STK31: variants seen among roughly 807,000 people sequenced by gnomAD.
The protein encoded by STK31 is serine/threonine kinase 31, also known as serine/threonine-protein kinase 31.
Under a neutral mutation model 129.7 loss-of-function variants are expected in STK31, and 89 were observed. The ratio of observed to expected loss-of-function variants is 0.69; its 90% confidence interval spans 0.58 to 0.82. STK31 has a LOEUF of 0.82. STK31 is among the 40% of genes least tolerant of loss of function. The probability of loss-of-function intolerance (pLI) is 0.00; values close to 1 mark genes in which losing one functional copy is unlikely to be tolerated. For synonymous variants in STK31, 448 were observed against 395.3 expected (o/e 1.13, Z -1.58); for missense variants, 1,187 against 1,176.4 (o/e 1.01, Z -0.13).
chr7:23,823,765 A>G (rs1793934063), intron 23 of STK31, among the ~76,000 whole-genome samples: 1 of 152,154 alleles, frequency 6.6e-6, no homozygotes, highest in African/African-American at 2.4e-5. Flanking sequence ...ATCTTGAATT[A>G]ATTTTTGTAT....
At chr7:23,803,080 T>A (rs1287039637) in intron 22 of STK31, among the ~76,000 whole-genome samples, 1 of 152,220 alleles carries the variant, frequency 6.6e-6, no homozygotes, top group Non-Finnish European at 1.5e-5. Context: ...TTGTGTTTTT[T>A]AAAAATTTTT....
At chr7:23,824,300 G>A (rs376203539) in intron 23 of STK31, among the ~76,000 whole-genome samples, 86 of 152,118 alleles carry the variant, frequency 5.7e-4, no homozygotes, top group Non-Finnish European at 1.1e-3. Context: ...GTTCTCCTTG[G>A]AGAGGTCCTT....
At chr7:23,791,844 A>G (rs1791640024) in intron 22 of STK31, among the ~76,000 whole-genome samples, 1 of 152,214 alleles carries the variant, frequency 6.6e-6, no homozygotes, top group South Asian at 2.1e-4. Flanking sequence ...CATTTTCTGT[A>G]AAGGACCAGA....
At chr7:23,769,930 C>T (rs2128103200) in intron 13 of STK31, among the ~76,000 whole-genome samples, 174 bp downstream of exon 13, 1 of 152,226 alleles carries the variant, frequency 6.6e-6, no homozygotes, top group African/African-American at 2.4e-5. Flanking sequence ...AGTTCTAATC[C>T]AGACACCATG....
intron 8 of STK31, among the ~76,000 whole-genome samples, chr7:23,750,936 G>A (rs1293312797): frequency 6.6e-6 from 1 of 152,102 alleles, no homozygotes; most frequent in Non-Finnish European, 1.5e-5. Flanking sequence ...ATCATTAACT[G>A]TAGTCATCTG....
At chr7:23,739,877 C>A (rs1366929880) in intron 8 of STK31, among the ~76,000 whole-genome samples, 2 of 152,060 alleles carry the variant, frequency 1.3e-5, no homozygotes, top group African/African-American at 2.4e-5. Context: ...GTTACTGTAG[C>A]CTTGTAGTAT....
At chr7:23,768,020 A>G (rs1369622712) in intron 11 of STK31, among the ~76,000 whole-genome samples, 1 of 151,808 alleles carries the variant, frequency 6.6e-6, no homozygotes, top group East Asian at 1.9e-4. Context: ...AAAAAATTTT[A>G]TTGTTACTGT....
At chr7:23,739,881 G>C (rs1438874137) in intron 8 of STK31, among the ~76,000 whole-genome samples, 1 of 152,128 alleles carries the variant, frequency 6.6e-6, no homozygotes, top group Admixed American at 6.5e-5. Flanking sequence ...CTGTAGCCTT[G>C]TAGTATAGTT....
chr7:23,756,767 G>A (rs1007886415), intron 10 of STK31, among the ~76,000 whole-genome samples: 5 of 152,152 alleles, frequency 3.3e-5, no homozygotes, highest in Admixed American at 1.3e-4. Context: ...TTTGTCATTG[G>A]TTCTGTTTAT....
At chr7:23,737,975 G>C (rs1384515610) in intron 8 of STK31, among the ~76,000 whole-genome samples, 1 of 151,864 alleles carries the variant, frequency 6.6e-6, no homozygotes, top group South Asian at 2.1e-4. Flanking sequence ...TAATAATTCA[G>C]CTCCATTCTG....
intron 10 of STK31, among the ~76,000 whole-genome samples, chr7:23,757,181 G>A (rs1170852676): frequency 6.6e-6 from 1 of 152,068 alleles, no homozygotes; most frequent in African/African-American, 2.4e-5. Flanking sequence ...TTTGTTATTG[G>A]TCTATTCAGG....
chr7:23,729,717 C>T (rs1254040731), intron 6 of STK31, among the ~76,000 whole-genome samples: 2 of 149,676 alleles, frequency 1.3e-5, no homozygotes, highest in African/African-American at 2.5e-5. Flanking sequence ...ACCATGTTGG[C>T]CAGGCTGGTC....
chr7:23,803,671 A>G (rs1390209704), intron 22 of STK31, among the ~76,000 whole-genome samples: 1 of 152,100 alleles, frequency 6.6e-6, no homozygotes, highest in Non-Finnish European at 1.5e-5. Context: ...TGTACAGATT[A>G]TTTTGTCACC....
At chr7:23,718,986 C>T (rs1302605986) in intron 4 of STK31, among the ~76,000 whole-genome samples, 2 of 151,978 alleles carry the variant, frequency 1.3e-5, no homozygotes, top group African/African-American at 4.8e-5. Context: ...TATAGTTCCT[C>T]GATATCCTCA....
At chr7:23,795,155 A>G (rs1791876846) in intron 22 of STK31, among the ~76,000 whole-genome samples, 1 of 152,212 alleles carries the variant, frequency 6.6e-6, no homozygotes, top group Non-Finnish European at 1.5e-5. Context: ...ACAGAGGCCT[A>G]GGAGGAAAAA....
chr7:23,816,952 G>A (rs1003637832), intron 23 of STK31, among the ~76,000 whole-genome samples: 9 of 152,118 alleles, frequency 5.9e-5, no homozygotes, highest in Non-Finnish European at 1.2e-4. Context: ...TTGGGAGGCC[G>A]AGGTGGGCAG....
intron 22 of STK31, among the ~76,000 whole-genome samples, chr7:23,812,895 ATATG>A (rs774999538): frequency 2.6e-5 from 4 of 152,258 alleles, no homozygotes; most frequent in Admixed American, 6.5e-5. Context: ...GTGTGTGTAC[ATATG>A]TATGTATGTG....
At chr7:23,726,824 A>C (rs539782089) in intron 4 of STK31, among the ~76,000 whole-genome samples, 9 of 152,284 alleles carry the variant, frequency 5.9e-5, no homozygotes, top group African/African-American at 2.2e-4. Context: ...TATGAATTCC[A>C]CTATAGTTGA....
chr7:23,827,662 G>T (rs967745793), intron 23 of STK31, among the ~76,000 whole-genome samples: 9 of 152,136 alleles, frequency 5.9e-5, no homozygotes, highest in African/African-American at 2.2e-4. Flanking sequence ...TTTGTCGGAG[G>T]AGAGGCTCTG....
Sources: allele counts gnomAD v4.1 joint callset (sites outside exome capture counted in the v4.1 genomes callset), GRCh38; gene constraint gnomAD v4.1.1; transcripts MANE v1.5; gene names NCBI Gene and HGNC (gene_info 2026-07-23, HGNC 2026-07-21).